Variants in PCLO observed in about 807,000 individuals in gnomAD.
PCLO encodes piccolo presynaptic cytomatrix protein.
PCLO carries 82 observed loss-of-function variants against 427.5 expected under a neutral mutation model. That is an observed-to-expected ratio of 0.19 (90% CI 0.16 to 0.23). PCLO has a LOEUF of 0.23. PCLO is among the 10% of genes least tolerant of loss of function. The probability of loss-of-function intolerance (pLI) is 1.00; values close to 1 mark genes in which losing one functional copy is unlikely to be tolerated. For missense variants in PCLO, 6,239 were observed against 6,115.9 expected (o/e 1.02, Z -0.67); for synonymous variants, 2,357 against 2,155.4 (o/e 1.09, Z -2.59).
chr7:83,043,599 G>A (rs1830680789), intron 3 of PCLO, among the ~76,000 whole-genome samples: 1 of 152,166 alleles, frequency 6.6e-6, no homozygotes, highest in Admixed American at 6.5e-5. Context: ...CAAATTAACA[G>A]AGAACTCAAG....
intron 9 of PCLO, among the ~76,000 whole-genome samples, chr7:82,889,904 T>C (rs1172349439): frequency 6.6e-6 from 1 of 152,056 alleles, no homozygotes; most frequent in East Asian, 1.9e-4. Flanking sequence ...ACTTTTAGTG[T>C]GTGTGCACAT....
rs1460895661 is a variant in PCLO, at chr7:82,955,531, T to C, written c.5422A>G (p.Lys1808Glu). 12 of 1,613,838 alleles carry C rather than the reference T, an allele frequency of 7.4e-6. No individual in the cohort carries two copies. Among genetic ancestry groups the C allele is most frequent in the Non-Finnish European group, 1.0e-5 (12 of 1,179,892 alleles). The change falls in exon 5 of 25, where the codon AAG becomes GAG. Residue 1808 changes from lysine to glutamate, a missense_variant. Around this residue, in one of 5 missense-constraint regions of PCLO, gnomAD observed 4,677 missense variants for 4,468.4 expected, o/e 1.05. Coordinates refer to ENST00000333891, the MANE Select transcript of PCLO (RefSeq NM_033026.6). ...QQRKSSSKKS[K>E]KDKDELRAQR... ...GCTCGAAGTTCATCTTTGTCTTTCTTTGATTTTTTACTAGAACTCTTTCTT... is the reference window on the plus strand; with the variant it reads ...GCTCGAAGTTCATCTTTGTCTTTCTCTGATTTTTTACTAGAACTCTTTCTT...
intron 10 of PCLO, among the ~76,000 whole-genome samples, chr7:82,876,697 C>A (rs184435344): frequency 2.6e-5 from 4 of 152,054 alleles, no homozygotes; most frequent in Non-Finnish European, 5.9e-5. Flanking sequence ...ACATTATTCC[C>A]CAAAATATTT....
intron 3 of PCLO, among the ~76,000 whole-genome samples, chr7:83,000,296 AG>A (rs1787788617): frequency 4.0e-5 from 1 of 25,314 alleles, no homozygotes; most frequent in African/African-American, 4.2e-4. Flanking sequence ...AGAGAGAGAG[AG>A]AGAGAGAGAA....
chr7:83,014,404 C>T (rs1788157861), intron 3 of PCLO, among the ~76,000 whole-genome samples: 1 of 152,026 alleles, frequency 6.6e-6, no homozygotes, highest in East Asian at 1.9e-4. Flanking sequence ...AAAATAAATT[C>T]CCCTCTCGAA....
Position 82,954,353 on chromosome 7 carries a change from A to C in PCLO, c.6600T>G (p.Ile2200Met), listed in dbSNP as rs747188300. The C allele has an allele frequency of 6.2e-7, 1 of 1,613,882 alleles. No individual in the cohort carries two copies. Among genetic ancestry groups the C allele is most frequent in the Non-Finnish European group, 8.5e-7 (1 of 1,179,816 alleles). ...CTGTGGTTATGCTATCCAGGGTAGT[A>C]ATGGGTGAAGAGCTATCTGTGGTAC... ...SVCTTDSSSP[I>M]TTLDSITTVY... The change falls in exon 5 of 25, where the codon ATT becomes ATG. Residue 2200 changes from isoleucine to methionine, a missense_variant. Ile to Met is a conservative substitution (Grantham distance 10, BLOSUM62 1). Coordinates refer to ENST00000333891, the MANE Select transcript of PCLO (RefSeq NM_033026.6).
intron 20 of PCLO, chr7:82,820,401 C>T (rs867020823): frequency 4.4e-5 from 25 of 561,904 alleles, no homozygotes; most frequent in Admixed American, 1.1e-4. Context: ...TCTATTGCAA[C>T]GAAATCAATT....
intron 10 of PCLO, among the ~76,000 whole-genome samples, chr7:82,847,815 T>C (rs896667814): frequency 1.3e-5 from 2 of 152,114 alleles, no homozygotes; most frequent in Admixed American, 6.6e-5. Flanking sequence ...AGGAATGTTA[T>C]AGGAAGGGCA....
intron 3 of PCLO, among the ~76,000 whole-genome samples, chr7:83,029,179 A>G (rs1334258168): frequency 1.1e-3 from 172 of 150,302 alleles, no homozygotes; most frequent in South Asian, 2.1e-3. Flanking sequence ...GCAACCTACA[A>G]AATGGGAGAA....
intron 3 of PCLO, among the ~76,000 whole-genome samples, chr7:83,096,858 A>T (rs13308250): frequency 0.012 from 623 of 52,760 alleles, 67 homozygotes; most frequent in African/African-American, 0.05. Context: ...AATATATATA[A>T]AAATATATTA....
Position 83,162,674 on chromosome 7 carries a change from G to C in PCLO, c.-82C>G, listed in dbSNP as rs1563001991. On this transcript the variant is annotated 5_prime_UTR_variant, in exon 1 of 25. Coordinates refer to ENST00000333891, the MANE Select transcript of PCLO (RefSeq NM_033026.6). Reference sequence around the variant, plus strand: ...AAGCCCGCGGCCAGGGGAGCAGTCAGAGCCGGGGTCCGCCTCGGGGCGTGC... The same window carrying C: ...AAGCCCGCGGCCAGGGGAGCAGTCACAGCCGGGGTCCGCCTCGGGGCGTGC... 2 of 1,451,486 alleles carry C rather than the reference G, an allele frequency of 1.4e-6. No individual in the cohort carries two copies. The highest frequency in any genetic ancestry group is 1.4e-5 in the South Asian group (1 of 69,812). The allele number at this position is 1,451,486 out of a possible 1,614,324, so 89.9% of individuals were successfully genotyped here.
At chr7:83,130,819 T>C (rs2116600664) in intron 3 of PCLO, among the ~76,000 whole-genome samples, 1 of 152,314 alleles carries the variant, frequency 6.6e-6, no homozygotes, top group South Asian at 2.1e-4. Flanking sequence ...ATTTGTTGCA[T>C]AGTGACAAAT....
intron 18 of PCLO, 125 bp from the exon 19 acceptor site, chr7:82,824,541 T>G (rs564858834): frequency 1.9e-6 from 1 of 516,060 alleles, no homozygotes; most frequent in East Asian, 3.2e-5. Flanking sequence ...CTTTTGAGGA[T>G]GATGATTCTT....
intron 3 of PCLO, among the ~76,000 whole-genome samples, chr7:83,022,995 T>C (rs182188633): frequency 2.1e-4 from 32 of 152,300 alleles, no homozygotes; most frequent in Admixed American, 1.8e-3. Context: ...AATCTGTACA[T>C]GTATAATCAA....
intron 2 of PCLO, among the ~76,000 whole-genome samples, chr7:83,153,887 G>T (rs1792200718): frequency 6.8e-6 from 1 of 148,138 alleles, no homozygotes; most frequent in South Asian, 2.2e-4. Flanking sequence ...GTATCTTCTT[G>T]TCTCTTCCCC....
intron 22 of PCLO, among the ~76,000 whole-genome samples, chr7:82,785,710 G>C (rs1230820991): frequency 6.6e-6 from 1 of 151,986 alleles, no homozygotes. Context: ...CTGAGGGGTG[G>C]GTCTCAAAGG....
chr7:82,916,409 A>T lies in PCLO; in HGVS notation c.11577T>A (p.Ala3859=). 1 of 1,613,602 alleles carries T rather than the reference A, an allele frequency of 6.2e-7. No homozygotes were observed. Among genetic ancestry groups the T allele is most frequent in the Non-Finnish European group, 8.5e-7 (1 of 1,179,732 alleles). The part of the protein sequence containing the change: ...SQHGIERPRT[A]PQTEFSQFIP... Reference sequence around the variant, plus strand: ...TAAACTGGCTGAATTCAGTTTGGGGAGCAGTTCTTGGTCGCTCAATGCCAT... The same window carrying T: ...TAAACTGGCTGAATTCAGTTTGGGGTGCAGTTCTTGGTCGCTCAATGCCAT... Residue 3859 remains alanine, a synonymous_variant, in exon 7 of 25, where the codon GCT becomes GCA. Transcript: ENST00000333891.
chr7:83,161,231 TA>T (rs1235413734), intron 1 of PCLO, among the ~76,000 whole-genome samples: 1 of 98,024 alleles, frequency 1.0e-5, no homozygotes, highest in Non-Finnish European at 2.5e-5. Context: ...GTGACTAAGT[TA>T]ATTTTTTTTT....
intron 21 of PCLO, among the ~76,000 whole-genome samples, chr7:82,802,593 G>T (rs191715789): frequency 6.6e-6 from 1 of 152,222 alleles, no homozygotes; most frequent in East Asian, 1.9e-4. Flanking sequence ...CTTAGATAAG[G>T]CGTTCTAAAA....
Sources: allele counts gnomAD v4.1 joint callset (sites outside exome capture counted in the v4.1 genomes callset), GRCh38; gene constraint gnomAD v4.1.1; regional missense constraint gnomAD v4.1.1; transcripts MANE v1.5; gene names NCBI Gene and HGNC (gene_info 2026-07-23, HGNC 2026-07-21).